The following CTCFL variants were observed in gnomAD, a reference collection of about 807,000 sequenced individuals.
The protein encoded by CTCFL is CCCTC-binding factor like, also known as transcriptional repressor CTCFL.
CTCFL carries 36 observed loss-of-function variants against 67.4 expected under a neutral mutation model. The observed-to-expected ratio is 0.53, with a 90% confidence interval of 0.41 to 0.71. CTCFL has a LOEUF of 0.71. CTCFL is among the 30% of genes least tolerant of loss of function. The pLI is 0.00. For missense variants in CTCFL, 786 were observed against 835.2 expected (o/e 0.94, Z 0.73); for synonymous variants, 324 against 302.3 (o/e 1.07, Z -0.75).
chr20:57,504,996 G>C (rs75585676), intron 9 of CTCFL, among the ~76,000 whole-genome samples: 6,287 of 151,878 alleles, frequency 0.041, 278 homozygotes, highest in African/African-American at 0.078. Flanking sequence ...GTGGATATCT[G>C]GTCTTACTGC....
rs142314532 is a variant in CTCFL at position 57,522,395 on chromosome 20, A to T, written c.754+673T>A. On this transcript the variant is annotated intron_variant, in intron 3 of 10. Coordinates refer to ENST00000243914, the MANE Select transcript of CTCFL (RefSeq NM_001386993.1). ...CTAATATTTTTAAAAAATAAGCCAA[A>T]CAAATTATTTTCATAGGACAAATTC... is the stretch of plus-strand genomic sequence containing the variant. 4.6e-3 allele frequency among the ~76,000 whole-genome samples: 697 copies of T among 152,344 alleles called. 8 individuals are homozygous for T. The highest frequency in any genetic ancestry group is 0.016 in the African/African-American group (668 of 41,580).
intron 3 of CTCFL, among the ~76,000 whole-genome samples, chr20:57,521,484 G>T (rs1163650015): frequency 6.6e-6 from 1 of 152,218 alleles, no homozygotes; most frequent in African/African-American, 2.4e-5. Context: ...TCAAATTGGT[G>T]CAGCTGCTAT....
chr20:57,517,888 CCCT>C (rs895417676), intron 5 of CTCFL, among the ~76,000 whole-genome samples: 1 of 152,152 alleles, frequency 6.6e-6, no homozygotes, highest in Non-Finnish European at 1.5e-5. Context: ...GTTCCCTGAT[CCCT>C]CCATTTTGCA....
At position 57,519,368 on chromosome 20, in the gene CTCFL, C is replaced by T. The variant is rs2069173537; in HGVS notation, c.764G>A (p.Gly255Glu). The T allele has an allele frequency of 1.2e-6, 2 of 1,613,606 alleles. No individual in the cohort carries two copies. The highest frequency in any genetic ancestry group is 2.2e-5 in the South Asian group (2 of 91,046). ...KNQRKTKGAK[G>E]TFHCDVCMFT... is the part of the protein sequence containing the mutation. ...CATGCAGACATCACAGTGGAAGGTT[C>T]CTTTTGCTCCTATAGGCAGGAAATA... The change falls in exon 4 of 11, where the codon GGA becomes GAA. Residue 255 changes from glycine (G) to glutamate (E), a missense_variant. Gly to Glu is a moderately conservative substitution (Grantham distance 98). Around this residue, in one of 3 missense-constraint regions of CTCFL, gnomAD observed 333 missense variants for 304.6 expected, o/e 1.09. Transcript: ENST00000243914.
intron 8 of CTCFL, among the ~76,000 whole-genome samples, chr20:57,510,265 G>A (rs1046462287): frequency 3.3e-5 from 5 of 152,132 alleles, no homozygotes; most frequent in African/African-American, 9.7e-5. Context: ...GAGCTTTTAT[G>A]TATACAGGTG....
In CTCFL at chr20:57,498,211, T is replaced by G. The variant is rs867011789; in HGVS notation, c.*339A>C. The G allele has an allele frequency of 9.9e-7, 1 of 1,005,838 alleles. No homozygotes were observed. Among genetic ancestry groups the G allele is most frequent in the Non-Finnish European group, 1.2e-6 (1 of 843,340 alleles). The allele number at this position is 1,005,838 out of a possible 1,614,324, so 62.3% of individuals were successfully genotyped here. ...CTCATTGTGGGCCACCTTGCCAATA[T>G]CAAGTGAATGAATCCATAGGTTTGA... On this transcript the variant is annotated 3_prime_UTR_variant, in exon 11 of 11. Coordinates refer to ENST00000243914, the MANE Select transcript of CTCFL (RefSeq NM_001386993.1).
chr20:57,515,492 T>C (rs1399345716), intron 6 of CTCFL: 33 of 538,686 alleles, frequency 6.1e-5, no homozygotes, highest in South Asian at 1.8e-4. Context: ...GCAAATACTT[T>C]GTGTTTTACT....
chr20:57,510,568 T>C (rs2068483436), intron 8 of CTCFL, among the ~76,000 whole-genome samples: 1 of 152,200 alleles, frequency 6.6e-6, no homozygotes, highest in Non-Finnish European at 1.5e-5. Flanking sequence ...GACAGCTCTA[T>C]TAAAAGCATT....
chr20:57,516,297 G>A (rs1222958546), intron 5 of CTCFL, among the ~76,000 whole-genome samples: 2 of 152,154 alleles, frequency 1.3e-5, no homozygotes, highest in African/African-American at 4.8e-5. Flanking sequence ...CAGCACTTTG[G>A]GAGGCTGAGA....
chr20:57,524,506 C>CCA lies in CTCFL; in HGVS notation c.-11-291_-11-290insTG. The CCA allele has an allele frequency of 7.5e-6, 9 of 1,198,158 alleles. No homozygotes were observed. In the South Asian group the frequency reaches 1.7e-4, roughly 23 times the overall value. The allele number at this position is 1,198,158 out of a possible 1,614,324, so 74.2% of individuals were successfully genotyped here. On this transcript the variant is annotated intron_variant, in intron 1 of 10. Coordinates refer to ENST00000243914, the MANE Select transcript of CTCFL (RefSeq NM_001386993.1). The stretch of plus-strand genomic sequence containing the variant: ...CACACATCCTGCGCCTGGCAAGGTT[C>CCA]CGCCTGAGCACACTCTGGCCCAGTG...
intron 9 of CTCFL, 67 bp downstream of exon 9, chr20:57,508,539 T>C: frequency 1.3e-6 from 2 of 1,489,036 alleles, no homozygotes; most frequent in Non-Finnish European, 1.9e-6. Flanking sequence ...TCTCCTGGTG[T>C]GACACTGTCC....
chr20:57,513,753 C>A, intron 7 of CTCFL: 1 of 1,233,554 alleles, frequency 8.1e-7, no homozygotes, highest in Middle Eastern at 2.3e-4. Context: ...CATCTCATCT[C>A]CAGAATCTCT....
At chr20:57,512,114 G>C (rs1462066398) in intron 8 of CTCFL, among the ~76,000 whole-genome samples, 1 of 152,128 alleles carries the variant, frequency 6.6e-6, no homozygotes, top group East Asian at 1.9e-4. Context: ...TTATTAAAAA[G>C]AAAGTATTCC....
intron 4 of CTCFL, 74 bp downstream of exon 4, chr20:57,519,133 C>T: frequency 6.9e-7 from 1 of 1,443,658 alleles, no homozygotes; most frequent in Non-Finnish European, 9.5e-7. Flanking sequence ...ACTGTAGAAA[C>T]AGGTGGATTC....
chr20:57,510,884 G>A (rs1235849665), intron 8 of CTCFL, among the ~76,000 whole-genome samples: 1 of 152,148 alleles, frequency 6.6e-6, no homozygotes, highest in Non-Finnish European at 1.5e-5. Context: ...AAAGAATTCA[G>A]ATGGATTCCT....
chr20:57,524,749 C>T (rs2069731080), intron 1 of CTCFL: 3 of 987,532 alleles, frequency 3.0e-6, no homozygotes, highest in Non-Finnish European at 2.4e-6. Flanking sequence ...ACCTAGCACC[C>T]TCAGAGCCAG....
At chr20:57,500,336 TC>T in intron 10 of CTCFL, 1 of 431,370 alleles carries the variant, frequency 2.3e-6, no homozygotes, top group Non-Finnish European at 3.8e-6. Context: ...GCATCTGTAA[TC>T]CCAGCTCCGG....
In CTCFL at chr20:57,523,744, G is replaced by A. The variant is rs142548833; in HGVS notation, c.462C>T (p.His154=). The A allele has an allele frequency of 3.7e-5, 60 of 1,613,328 alleles. No individual in the cohort carries two copies. The East Asian group carries it at 4.0e-4, about 11-fold the overall frequency. Residue 154 remains histidine (H), a synonymous_variant, in exon 2 of 11, where the codon CAC becomes CAT. Transcript: ENST00000243914. The part of the protein sequence containing the change: ...SPQEMEVLQF[H]ALEENVMVAS... ...CCACCATCACATTCTCCTCTAGAGCGTGGAACTGCAACACCTCCATCTCTT... is the reference window on the plus strand; with the variant it reads ...CCACCATCACATTCTCCTCTAGAGCATGGAACTGCAACACCTCCATCTCTT...
At chr20:57,498,976 C>A (rs62204257) in intron 10 of CTCFL, among the ~76,000 whole-genome samples, 45,004 of 150,892 alleles carry the variant, frequency 0.3, 6,956 homozygotes, top group South Asian at 0.35. Context: ...TTAGCAGCGA[C>A]CCTGGCCTCT....
Sources: allele counts gnomAD v4.1 joint callset (sites outside exome capture counted in the v4.1 genomes callset), GRCh38; gene constraint gnomAD v4.1.1; regional missense constraint gnomAD v4.1.1; transcripts MANE v1.5; gene names NCBI Gene and HGNC (gene_info 2026-07-23, HGNC 2026-07-21).